The following WWP1 variants were observed in gnomAD, a reference collection of about 807,000 sequenced individuals.
WWP1 encodes the protein NEDD4-like E3 ubiquitin-protein ligase WWP1.
A neutral mutation model predicts 130.6 loss-of-function variants in WWP1; 49 were observed. The observed-to-expected ratio is 0.38, with a 90% confidence interval of 0.30 to 0.48. The LOEUF is 0.48. WWP1 is among the 20% of genes least tolerant of loss of function. The probability of loss-of-function intolerance (pLI) is 0.99; values close to 1 mark genes in which losing one functional copy is unlikely to be tolerated. For synonymous variants in WWP1, 332 were observed against 367.8 expected (o/e 0.90, Z 1.11); for missense variants, 809 against 1,100.6 (o/e 0.74, Z 3.75).
intron 1 of WWP1, among the ~76,000 whole-genome samples, chr8:86,362,057 T>C (rs377133105): frequency 6.1e-5 from 3 of 49,340 alleles, no homozygotes; most frequent in East Asian, 3.1e-4. Flanking sequence ...CACACATATA[T>C]ACACACATAT....
Position 86,468,334 on chromosome 8 carries a change from T to C in WWP1, c.*1441T>C, listed in dbSNP as rs150335448. On this transcript the variant is annotated 3_prime_UTR_variant, in exon 25 of 25. Transcript: ENST00000517970. ...TGTTCTCCATTTTATTCAGAATTCA[T>C]AGTAAAGACGAAAGAAAGGCAGAGA... 37 of 443,488 alleles carry C rather than the reference T, an allele frequency of 8.3e-5. No individual in the cohort carries two copies. Among genetic ancestry groups the C allele is most frequent in the Admixed American group, 3.9e-4 (15 of 38,872 alleles). The allele number at this position is 443,488 out of a possible 1,614,324, so 27.5% of individuals were successfully genotyped here.
rs1193374745 is a variant in WWP1 at position 86,435,534 on chromosome 8, T to C, written c.1677+7T>C. The C allele has an allele frequency of 3.1e-6, 5 of 1,614,098 alleles. No homozygotes were observed. The highest frequency in any genetic ancestry group is 4.2e-6 in the Non-Finnish European group (5 of 1,179,964). ...CTTCCGTTATTTGTGCCAGGTACTATAGTGGTAAATAAATCTTATACTCAA... is the reference window on the plus strand; with the variant it reads ...CTTCCGTTATTTGTGCCAGGTACTACAGTGGTAAATAAATCTTATACTCAA... On this transcript the variant is annotated splice_region_variant and intron_variant, in intron 15 of 24. Transcript: ENST00000517970.
At chr8:86,370,004 A>G (rs1195356668) in intron 2 of WWP1, among the ~76,000 whole-genome samples, 3 of 152,214 alleles carry the variant, frequency 2.0e-5, no homozygotes, top group Non-Finnish European at 4.4e-5. Context: ...CAGCTGAAGA[A>G]CTAGATCAAT....
chr8:86,359,931 C>A (rs1823480137), intron 1 of WWP1, among the ~76,000 whole-genome samples: 1 of 151,888 alleles, frequency 6.6e-6, no homozygotes, highest in Non-Finnish European at 1.5e-5. Context: ...CGCCTGTAGT[C>A]CCAGCTACTC....
chr8:86,428,772 G>A (rs1232819684), intron 11 of WWP1, among the ~76,000 whole-genome samples: 9 of 152,014 alleles, frequency 5.9e-5, no homozygotes, highest in Non-Finnish European at 1.3e-4. Context: ...CCATAATTTA[G>A]CTGTATATAG....
chr8:86,427,255 T>G (rs1809677841), intron 10 of WWP1, among the ~76,000 whole-genome samples: 1 of 152,062 alleles, frequency 6.6e-6, no homozygotes, highest in South Asian at 2.1e-4. Context: ...AGAAATTATA[T>G]TAGGGCTAAT....
chr8:86,382,579 G>T (rs1351251734), intron 5 of WWP1, among the ~76,000 whole-genome samples: 4 of 152,138 alleles, frequency 2.6e-5, no homozygotes, highest in African/African-American at 9.7e-5. Context: ...TGTGCCTGTT[G>T]TCCCAGCTAC....
At chr8:86,463,099 C>A (rs1811854389) in intron 24 of WWP1, among the ~76,000 whole-genome samples, 1 of 151,980 alleles carries the variant, frequency 6.6e-6, no homozygotes, top group South Asian at 2.1e-4. Flanking sequence ...AGCTTGCTTT[C>A]TTTTATGGAA....
chr8:86,342,676 G>T lies in WWP1; in HGVS notation c.-369G>T. 3.1e-6 allele frequency: 1 copy of T among 320,084 alleles called. No homozygotes were observed. The allele number at this position is 320,084 out of a possible 1,614,324, so 19.8% of individuals were successfully genotyped here. On this transcript the variant is annotated 5_prime_UTR_variant, in exon 1 of 25. It adds an upstream start codon to the 5' untranslated region. Coordinates refer to ENST00000517970, the MANE Select transcript of WWP1 (RefSeq NM_007013.4). ...ACGCGGCGCGCTCCCGAGGAAGGGA[G>T]GTGTGGGGTCGGCTGGGGGTGGCGC...
intron 5 of WWP1, among the ~76,000 whole-genome samples, chr8:86,382,064 G>A (rs954895599): frequency 1.6e-4 from 24 of 152,032 alleles, no homozygotes; most frequent in African/African-American, 5.3e-4. Flanking sequence ...CAATTATAGA[G>A]TAATATAAAA....
chr8:86,431,950 C>T (rs1340343672), intron 14 of WWP1, among the ~76,000 whole-genome samples: 3 of 152,076 alleles, frequency 2.0e-5, no homozygotes, highest in Non-Finnish European at 4.4e-5. Context: ...TACTGTGTGC[C>T]GAGGATTGTT....
chr8:86,442,839 TTTA>T, intron 18 of WWP1, 61 bp downstream of exon 18: 1 of 1,403,728 alleles, frequency 7.1e-7, no homozygotes, highest in Non-Finnish European at 9.3e-7. Context: ...AGAGAAGGCT[TTTA>T]AAAAAAAAAA....
chr8:86,413,946 G>A (rs1808727840), intron 9 of WWP1, among the ~76,000 whole-genome samples: 1 of 152,058 alleles, frequency 6.6e-6, no homozygotes, highest in Non-Finnish European at 1.5e-5. Context: ...TATAAATGAG[G>A]GAAGCCGGCA....
chr8:86,404,887 T>A (rs1808188595), intron 8 of WWP1, among the ~76,000 whole-genome samples: 2 of 152,216 alleles, frequency 1.3e-5, no homozygotes, highest in South Asian at 4.1e-4. Flanking sequence ...GTGTGGTTTT[T>A]ATAGGATCTC....
chr8:86,437,295 C>T (rs914366187), intron 16 of WWP1, among the ~76,000 whole-genome samples: 4 of 152,262 alleles, frequency 2.6e-5, no homozygotes, highest in South Asian at 2.1e-4. Context: ...ATTTGGTATA[C>T]GTATTGTTTT....
chr8:86,395,923 A>T (rs1444140618), intron 5 of WWP1, among the ~76,000 whole-genome samples: 1 of 152,200 alleles, frequency 6.6e-6, no homozygotes, highest in Non-Finnish European at 1.5e-5. Flanking sequence ...AAGAGATTTT[A>T]AAAGGCTCTT....
At chr8:86,459,362 TTAAC>T (rs773276258) in intron 22 of WWP1, among the ~76,000 whole-genome samples, 2 of 152,044 alleles carry the variant, frequency 1.3e-5, no homozygotes, top group Admixed American at 6.6e-5. Flanking sequence ...AAAATGCAAA[TTAAC>T]AAAAATGTTG....
At chr8:86,427,390 A>G (rs571488595) in intron 10 of WWP1, among the ~76,000 whole-genome samples, 1 of 151,998 alleles carries the variant, frequency 6.6e-6, no homozygotes, top group East Asian at 1.9e-4. Flanking sequence ...CAGAACTTAA[A>G]GTAAAATTAA....
chr8:86,362,870 TACAAATC>T (rs1823751400), intron 1 of WWP1, among the ~76,000 whole-genome samples: 1 of 152,202 alleles, frequency 6.6e-6, no homozygotes, highest in Non-Finnish European at 1.5e-5. Context: ...AATTAACAGA[TACAAATC>T]AGATAAATAT....
Sources: allele counts gnomAD v4.1 joint callset (sites outside exome capture counted in the v4.1 genomes callset), GRCh38; gene constraint gnomAD v4.1.1; transcripts MANE v1.5; gene names NCBI Gene and HGNC (gene_info 2026-07-23, HGNC 2026-07-21).